The following CAMKMT variants were observed in gnomAD, a reference collection of about 807,000 sequenced individuals.
The protein encoded by CAMKMT is CaM KMT.
A neutral mutation model predicts 48.0 loss-of-function variants in CAMKMT; 53 were observed. That is an observed-to-expected ratio of 1.10 (90% CI 0.89 to 1.39). CAMKMT has a LOEUF of 1.39. Ranked by LOEUF, CAMKMT falls within the 40% of genes most tolerant of loss-of-function variation. The probability of loss-of-function intolerance (pLI) is 0.00; values close to 1 mark genes in which losing one functional copy is unlikely to be tolerated. For synonymous variants in CAMKMT, 165 were observed against 152.3 expected (o/e 1.08, Z -0.61); for missense variants, 428 against 402.7 (o/e 1.06, Z -0.54).
intron 3 of CAMKMT, among the ~76,000 whole-genome samples, chr2:44,527,435 T>A (rs1250819213): frequency 6.9e-6 from 1 of 144,514 alleles, no homozygotes; most frequent in African/African-American, 2.5e-5. Flanking sequence ...TATATATTTT[T>A]TTTTTTGGTA....
intron 3 of CAMKMT, among the ~76,000 whole-genome samples, chr2:44,428,532 G>A (rs888921586): frequency 2.0e-5 from 3 of 152,212 alleles, no homozygotes; most frequent in South Asian, 2.1e-4. Context: ...GTCCAGGCTC[G>A]AGGGTGGAAC....
chr2:44,701,504 A>T (rs1677260147), intron 3 of CAMKMT, among the ~76,000 whole-genome samples: 1 of 152,208 alleles, frequency 6.6e-6, no homozygotes, highest in Non-Finnish European at 1.5e-5. Flanking sequence ...GGTCAGTTTG[A>T]TATATTTAAA....
intron 3 of CAMKMT, among the ~76,000 whole-genome samples, chr2:44,522,903 T>A (rs1212477965): frequency 6.6e-6 from 1 of 152,194 alleles, no homozygotes. Context: ...ATTCCTTAGC[T>A]AGATCACAAA....
intron 3 of CAMKMT, among the ~76,000 whole-genome samples, chr2:44,413,213 A>T (rs1382887217): frequency 6.6e-6 from 1 of 152,176 alleles, no homozygotes; most frequent in Non-Finnish European, 1.5e-5. Context: ...TTTTCACTTG[A>T]GTGATCCTAT....
chr2:44,378,106 T>C (rs972139785), intron 2 of CAMKMT, among the ~76,000 whole-genome samples: 2 of 152,224 alleles, frequency 1.3e-5, no homozygotes, highest in African/African-American at 4.8e-5. Context: ...GAGGTGATTA[T>C]AGCAATAAAA....
chr2:44,394,929 C>CT (rs1432343029), intron 3 of CAMKMT: 6 of 454,728 alleles, frequency 1.3e-5, no homozygotes, highest in Non-Finnish European at 2.6e-5. Context: ...AAGGCTAAGG[C>CT]TGGATGATTG....
At chr2:44,592,194 C>T (rs1272964394) in intron 3 of CAMKMT, among the ~76,000 whole-genome samples, 3 of 151,578 alleles carry the variant, frequency 2.0e-5, no homozygotes, top group Non-Finnish European at 4.4e-5. Context: ...GCACATGTAC[C>T]CTAAAACTTA....
intron 3 of CAMKMT, among the ~76,000 whole-genome samples, chr2:44,404,963 T>C (rs1472576999): frequency 1.3e-5 from 2 of 152,084 alleles, no homozygotes; most frequent in Non-Finnish European, 2.9e-5. Flanking sequence ...TTGATAAACT[T>C]TTAGAGTCTT....
intron 3 of CAMKMT, among the ~76,000 whole-genome samples, chr2:44,451,104 T>C (rs907213741): frequency 1.3e-5 from 2 of 152,062 alleles, no homozygotes; most frequent in African/African-American, 4.8e-5. Context: ...CCCATGTAAA[T>C]AAAATAAGTG....
At chr2:44,388,959 A>G (rs553691498) in intron 2 of CAMKMT, among the ~76,000 whole-genome samples, 2 of 152,204 alleles carry the variant, frequency 1.3e-5, no homozygotes, top group East Asian at 3.9e-4. Context: ...TGGTGGTTTA[A>G]TGCTCTCTTT....
At chr2:44,687,884 GCCAAAATTCTTAC>G (rs1460892830) in intron 3 of CAMKMT, among the ~76,000 whole-genome samples, 1 of 152,180 alleles carries the variant, frequency 6.6e-6, no homozygotes, top group Non-Finnish European at 1.5e-5. Context: ...TTCTTCTATT[GCCAAAATTCTTAC>G]ACAAAACAAA....
rs548211271 is a variant in CAMKMT, at chr2:44,389,465, A to G, written c.312-776A>G. On this transcript the variant is annotated intron_variant, in intron 2 of 10. Coordinates refer to ENST00000378494, the MANE Select transcript of CAMKMT (RefSeq NM_024766.5). The stretch of plus-strand genomic sequence containing the variant: ...TGAAGTAAATTTTTATGAATTATCA[A>G]TGGTTATTACAAACTTTTATAACAT... 2.3e-4 allele frequency among the ~76,000 whole-genome samples: 35 copies of G among 152,282 alleles called. No individual in the cohort carries two copies. In the South Asian group the frequency reaches 7.3e-3, roughly 32 times the overall value.
intron 1 of CAMKMT, among the ~76,000 whole-genome samples, chr2:44,368,541 T>C (rs191047311): frequency 1.3e-5 from 2 of 152,328 alleles, no homozygotes; most frequent in African/African-American, 4.8e-5. Flanking sequence ...TGTCATACTG[T>C]AGATCATGCA....
intron 7 of CAMKMT, among the ~76,000 whole-genome samples, chr2:44,732,597 G>A (rs780118884): frequency 1.3e-5 from 2 of 152,116 alleles, no homozygotes; most frequent in Non-Finnish European, 2.9e-5. Context: ...AAACAGTTTT[G>A]TAGCTGGGAC....
intron 3 of CAMKMT, chr2:44,395,060 C>T (rs567784216): frequency 2.5e-5 from 11 of 437,906 alleles, no homozygotes; most frequent in Non-Finnish European, 5.0e-5. Flanking sequence ...TATGTTTTCA[C>T]TTTTTACTTG....
At chr2:44,472,464 C>G (rs930734543) in intron 3 of CAMKMT, among the ~76,000 whole-genome samples, 5 of 152,210 alleles carry the variant, frequency 3.3e-5, no homozygotes, top group Admixed American at 1.3e-4. Context: ...AATCTAATAA[C>G]TTGTCTAAGG....
At chr2:44,726,108 T>C (rs1397697663) in intron 7 of CAMKMT, among the ~76,000 whole-genome samples, 1 of 152,212 alleles carries the variant, frequency 6.6e-6, no homozygotes, top group Admixed American at 6.5e-5. Context: ...CTGTGCCTTT[T>C]TGGTAGAATG....
chr2:44,511,874 A>G (rs1670577214), intron 3 of CAMKMT, among the ~76,000 whole-genome samples: 1 of 152,096 alleles, frequency 6.6e-6, no homozygotes, highest in African/African-American at 2.4e-5. Flanking sequence ...TAATACTGCA[A>G]ACCAATCTGT....
At chr2:44,447,183 T>C (rs962634818) in intron 3 of CAMKMT, among the ~76,000 whole-genome samples, 1 of 152,218 alleles carries the variant, frequency 6.6e-6, no homozygotes, top group East Asian at 1.9e-4. Context: ...CTGAGGTTCC[T>C]AGTGGTTAAG....
Sources: allele counts gnomAD v4.1 joint callset (sites outside exome capture counted in the v4.1 genomes callset), GRCh38; gene constraint gnomAD v4.1.1; transcripts MANE v1.5; gene names NCBI Gene and HGNC (gene_info 2026-07-23, HGNC 2026-07-21).